CCDC83: variants seen among roughly 807,000 people sequenced by gnomAD.
CCDC83 encodes coiled-coil domain-containing protein 83.
In CCDC83, 54 loss-of-function variants were observed where a neutral mutation model predicts 50.1. That is an observed-to-expected ratio of 1.08 (90% confidence interval 0.87 to 1.35). The LOEUF (loss-of-function observed/expected upper bound fraction) is 1.35. CCDC83 is among the 40% of genes most tolerant of loss of function. CCDC83 has a pLI of 0.00. For missense variants in CCDC83, 518 were observed against 473.9 expected (o/e 1.09, Z -0.86); for synonymous variants, 161 against 153.3 (o/e 1.05, Z -0.37).
At chr11:85,875,883 C>A (rs1462211412) in intron 3 of CCDC83, among the ~76,000 whole-genome samples, 1 of 152,158 alleles carries the variant, frequency 6.6e-6, no homozygotes, top group Non-Finnish European at 1.5e-5. Context: ...CTCCACCTAC[C>A]TCATTAGATG....
chr11:85,904,040 T>C (rs2093414248), intron 7 of CCDC83, among the ~76,000 whole-genome samples: 1 of 151,778 alleles, frequency 6.6e-6, no homozygotes, highest in African/African-American at 2.4e-5. Context: ...AAAAATAAAA[T>C]AAATGAAACA....
At chr11:85,876,466 A>G (rs536903221) in intron 3 of CCDC83, among the ~76,000 whole-genome samples, 2 of 152,152 alleles carry the variant, frequency 1.3e-5, no homozygotes, top group East Asian at 3.9e-4. Context: ...TGAATAGTAG[A>G]TTGGAACTCT....
chr11:85,881,659 T>C (rs1268283984), intron 3 of CCDC83, among the ~76,000 whole-genome samples: 1 of 151,918 alleles, frequency 6.6e-6, no homozygotes, highest in East Asian at 1.9e-4. Flanking sequence ...CCTCAAGTAA[T>C]CCCCCCAGCT....
At chr11:85,884,956 A>G (rs1192081973) in intron 4 of CCDC83, among the ~76,000 whole-genome samples, 1 of 152,214 alleles carries the variant, frequency 6.6e-6, no homozygotes, top group Non-Finnish European at 1.5e-5. Flanking sequence ...CATACCTGTA[A>G]TCCTAGCACT....
chr11:85,863,661 T>C (rs1398737635), intron 1 of CCDC83, among the ~76,000 whole-genome samples: 1 of 152,242 alleles, frequency 6.6e-6, no homozygotes, highest in African/African-American at 2.4e-5. Context: ...TATTAACAAG[T>C]TTCTCCACTT....
At chr11:85,910,364 G>A (rs1349728829) in intron 7 of CCDC83, among the ~76,000 whole-genome samples, 1 of 152,160 alleles carries the variant, frequency 6.6e-6, no homozygotes, top group Non-Finnish European at 1.5e-5. Flanking sequence ...ATAGCCATAT[G>A]ATACAACTGA....
Position 85,919,298 on chromosome 11 carries a change from G to A in CCDC83, c.1081-51G>A, listed in dbSNP as rs772317560. The A allele has an allele frequency of 2.0e-6, 3 of 1,505,514 alleles. No homozygotes were observed. In the African/African-American group the frequency reaches 4.3e-5, roughly 21 times the overall value. The allele number at this position is 1,505,514 out of a possible 1,614,324, so 93.3% of individuals were successfully genotyped here. A position where few individuals can be genotyped will look rare whatever the true frequency, so the allele number is the denominator to read the frequency against. ...AAAGAAAGCCTAATCTATCAAGCTG[G>A]TAATTTGCTGAATCACCTCTCCTAT... On this transcript the variant is annotated intron_variant, in intron 10 of 10. Transcript: ENST00000342404.
chr11:85,877,025 G>A (rs868211767), intron 3 of CCDC83, among the ~76,000 whole-genome samples: 3 of 152,042 alleles, frequency 2.0e-5, no homozygotes, highest in Non-Finnish European at 2.9e-5. Flanking sequence ...ACTAAATTTC[G>A]TTTCTGTATA....
chr11:85,876,114 T>A (rs2093267829), intron 3 of CCDC83, among the ~76,000 whole-genome samples: 1 of 152,170 alleles, frequency 6.6e-6, no homozygotes, highest in East Asian at 1.9e-4. Context: ...ACTTAACTAC[T>A]TCACTGACCA....
At chr11:85,865,780 C>T (rs182844492) in intron 2 of CCDC83, among the ~76,000 whole-genome samples, 344 of 151,946 alleles carry the variant, frequency 2.3e-3, no homozygotes, top group Non-Finnish European at 3.7e-3. Flanking sequence ...CCCAGCTTCT[C>T]GGGAGACTGA....
At chr11:85,891,332 C>T (rs944891631) in intron 5 of CCDC83, among the ~76,000 whole-genome samples, 1 of 152,196 alleles carries the variant, frequency 6.6e-6, no homozygotes, top group Non-Finnish European at 1.5e-5. Context: ...TCTGCTGAAA[C>T]CCAGGGGGCG....
chr11:85,864,123 CAT>C lies in CCDC83; in HGVS notation c.-28-972_-28-971del, dbSNP rs574966486. ...TGCCTGATTCGTTCATGCATCCACT[CAT>C]GTGTTTATCTGACAAGCATTTATTG... On this transcript the variant is annotated intron_variant, in intron 1 of 10. Transcript: ENST00000342404. Among the ~76,000 whole-genome samples the C allele has an allele frequency of 5.9e-5, 9 of 152,274 alleles. No homozygotes were observed. The East Asian group carries it at 1.5e-3, about 26-fold the overall frequency.
At chr11:85,863,875 T>C (rs1458400138) in intron 1 of CCDC83, among the ~76,000 whole-genome samples, 2 of 152,234 alleles carry the variant, frequency 1.3e-5, no homozygotes, top group Non-Finnish European at 2.9e-5. Context: ...GAAGGGGCAC[T>C]ATACAGAGAT....
chr11:85,916,520 A>G, intron 10 of CCDC83: 2 of 345,530 alleles, frequency 5.8e-6, no homozygotes, highest in Non-Finnish European at 1.1e-5. Context: ...AACAATAACT[A>G]TTTATTCTCG....
intron 1 of CCDC83, among the ~76,000 whole-genome samples, chr11:85,864,547 T>C (rs772666583): frequency 6.6e-6 from 1 of 152,198 alleles, no homozygotes; most frequent in Non-Finnish European, 1.5e-5. Context: ...ATTATTCGCA[T>C]GTGTAAATCT....
chr11:85,913,771 G>A (rs2093465567), intron 8 of CCDC83, among the ~76,000 whole-genome samples: 1 of 152,198 alleles, frequency 6.6e-6, no homozygotes, highest in African/African-American at 2.4e-5. Context: ...GTCAGCCAGA[G>A]GTGACTGCCC....
chr11:85,906,311 C>G (rs1269629698), intron 7 of CCDC83, among the ~76,000 whole-genome samples: 1 of 152,056 alleles, frequency 6.6e-6, no homozygotes, highest in Non-Finnish European at 1.5e-5. Flanking sequence ...AGGTGATCCA[C>G]CAGCCTTAGC....
At chr11:85,897,173 A>G (rs1262049003) in intron 6 of CCDC83, among the ~76,000 whole-genome samples, 1 of 152,210 alleles carries the variant, frequency 6.6e-6, no homozygotes, top group Non-Finnish European at 1.5e-5. Context: ...TCAAGCATAT[A>G]TCGTGAGGAC....
At chr11:85,884,942 G>T (rs992488031) in intron 4 of CCDC83, among the ~76,000 whole-genome samples, 5 of 152,200 alleles carry the variant, frequency 3.3e-5, no homozygotes, top group African/African-American at 1.2e-4. Flanking sequence ...CAGGCATGGT[G>T]ACTCATACCT....
Sources: gnomAD v4.1 joint callset for allele counts (sites outside exome capture counted in the v4.1 genomes callset) on GRCh38, gnomAD v4.1.1 for gene constraint, MANE v1.5 for transcripts, NCBI Gene and HGNC (gene_info 2026-07-23, HGNC 2026-07-21) for gene names.